The following ANKHD1 variants were observed in gnomAD, a reference collection of about 807,000 sequenced individuals.
ANKHD1 encodes the protein ankyrin repeat and KH domain containing 1.
ANKHD1 carries 31 observed loss-of-function variants against 230.5 expected under a neutral mutation model. That is an observed-to-expected ratio of 0.13 (90% confidence interval 0.10 to 0.18). The LOEUF (loss-of-function observed/expected upper bound fraction) is 0.18, where lower values mean the gene tolerates loss of function less well. Ranked by LOEUF, ANKHD1 falls within the 10% of genes least tolerant of loss-of-function variation. The probability of loss-of-function intolerance (pLI) is 1.00; values close to 1 mark genes in which losing one functional copy is unlikely to be tolerated. For missense variants in ANKHD1, 2,256 were observed against 3,071.3 expected, an observed-to-expected ratio of 0.73 and a Z score of 6.27; for synonymous variants, 1,074 against 1,117.6, an observed-to-expected ratio of 0.96 and a Z score of 0.78.
At position 140,526,194 on chromosome 5, in the gene ANKHD1, A is replaced by G. The variant is rs767461099; in HGVS notation, c.4691A>G (p.Gln1564Arg). The G allele has an allele frequency of 6.2e-7, 1 of 1,614,032 alleles. No individual in the cohort carries two copies. The highest frequency in any genetic ancestry group is 1.1e-5 in the South Asian group (1 of 91,052). The change falls in exon 26 of 34, where the codon CAA becomes CGA. Residue 1564 changes from glutamine (Q) to arginine (R), a missense_variant. Transcript: ENST00000360839. Reference sequence around the variant, plus strand: ...ACAGCACATTTAATTTTACCAGAACAACATATGTCTTTAGCCCAACAAAAG... The same window carrying G: ...ACAGCACATTTAATTTTACCAGAACGACATATGTCTTTAGCCCAACAAAAG... The part of the protein sequence containing the change: ...PPTAHLILPE[Q>R]HMSLAQQKAD...
chr5:140,536,580 A>G (rs951506901), intron 30 of ANKHD1, among the ~76,000 whole-genome samples: 2 of 152,212 alleles, frequency 1.3e-5, no homozygotes, highest in Admixed American at 6.5e-5. Context: ...AAATCGTACA[A>G]TGCTTTGCTA....
chr5:140,431,552 A>G (rs1304098224), intron 1 of ANKHD1, among the ~76,000 whole-genome samples: 3 of 152,226 alleles, frequency 2.0e-5, no homozygotes, highest in South Asian at 2.1e-4. Context: ...CAGGATTTCA[A>G]TAGCACTGTA....
chr5:140,443,704 A>G (rs111797714), intron 5 of ANKHD1, among the ~76,000 whole-genome samples: 3 of 151,738 alleles, frequency 2.0e-5, no homozygotes, highest in African/African-American at 7.2e-5. Flanking sequence ...AAAGAAAAAT[A>G]CTCAAAAAAG....
At chr5:140,448,886 ACTTGG>A (rs1450537837) in intron 6 of ANKHD1, among the ~76,000 whole-genome samples, 3 of 152,188 alleles carry the variant, frequency 2.0e-5, no homozygotes, top group African/African-American at 7.2e-5. Flanking sequence ...AAGATACTTT[ACTTGG>A]CTTTCTATTT....
chr5:140,491,158 A>ATTT lies in ANKHD1; in HGVS notation c.2245+4099_2245+4100insTTT, dbSNP rs1470465560. On this transcript the variant is annotated intron_variant, in intron 14 of 33. Coordinates refer to ENST00000360839, the MANE Select transcript of ANKHD1 (RefSeq NM_017747.3). ...TATACACATATATATATATATATAT[A>ATTT]TATTTTTTTTTTTTTTTTTTTTTGA... 5.0e-3 allele frequency among the ~76,000 whole-genome samples: 420 copies of ATTT among 83,286 alleles called. 12 individuals carry two copies. The highest frequency in any genetic ancestry group is 0.018 in the African/African-American group (332 of 18,862). The allele number at this position is 83,286 out of a possible 152,430, so 54.6% of individuals were successfully genotyped here.
intron 24 of ANKHD1, among the ~76,000 whole-genome samples, chr5:140,514,379 A>G (rs1752892879): frequency 6.6e-6 from 1 of 151,092 alleles, no homozygotes; most frequent in South Asian, 2.1e-4. Flanking sequence ...CTGTAGTCCC[A>G]GCAACTTGGG....
At chr5:140,444,194 T>C (rs1774098440) in intron 5 of ANKHD1, among the ~76,000 whole-genome samples, 1 of 149,420 alleles carries the variant, frequency 6.7e-6, no homozygotes, top group African/African-American at 2.5e-5. Context: ...CCGTACACTC[T>C]CCATGTGGCC....
chr5:140,439,441 A>G (rs112506905), intron 3 of ANKHD1, among the ~76,000 whole-genome samples: 3,197 of 152,252 alleles, frequency 0.021, 119 homozygotes, highest in African/African-American at 0.073. Context: ...AGGCCAAGGT[A>G]GGTGGATCAC....
rs377046202 is a variant in ANKHD1 at position 140,529,123 on chromosome 5, G to A, written c.6177G>A (p.Pro2059=). The A allele has an allele frequency of 1.9e-5, 30 of 1,613,772 alleles. No individual in the cohort carries two copies. In the East Asian group the frequency reaches 3.6e-4, roughly 19 times the overall value. The change falls in exon 29 of 34, where the codon CCG becomes CCA. Residue 2059 remains proline (P), a synonymous_variant. Transcript: ENST00000360839. ...NSCSSSASNT[P]GAPETHPSSS... ...GCAGTAGCTCTGCCAGCAACACCCC[G>A]GGAGCTCCAGAAACTCACCCATCCA...
chr5:140,424,433 A>G (rs757304473), intron 1 of ANKHD1, among the ~76,000 whole-genome samples: 27 of 152,182 alleles, frequency 1.8e-4, no homozygotes, highest in Non-Finnish European at 2.9e-4. Context: ...CCTCCGGTGC[A>G]TGCTAGTATG....
At chr5:140,496,063 C>T (rs1439689505) in intron 14 of ANKHD1, among the ~76,000 whole-genome samples, 2 of 152,138 alleles carry the variant, frequency 1.3e-5, no homozygotes, top group Non-Finnish European at 2.9e-5. Context: ...GCATTGCTTG[C>T]AGAGTTGATA....
intron 1 of ANKHD1, among the ~76,000 whole-genome samples, chr5:140,419,776 TTCTTTCTTTC>T (rs1320052228): frequency 5.8e-4 from 8 of 13,846 alleles, no homozygotes; most frequent in Non-Finnish European, 1.3e-3. Context: ...TCCTTTCTTT[TTCTTTCTTTC>T]TTTCTTTCTT....
At chr5:140,510,818 C>CGTGT (rs57422934) in intron 22 of ANKHD1, among the ~76,000 whole-genome samples, 10 of 149,176 alleles carry the variant, frequency 6.7e-5, no homozygotes, top group East Asian at 4.0e-4. Flanking sequence ...CTTCTGTGTG[C>CGTGT]GTGTGTGTGT....
chr5:140,487,150 T>C (rs1169829216), intron 14 of ANKHD1, 90 bp downstream of exon 14: 6 of 1,317,936 alleles, frequency 4.6e-6, no homozygotes, highest in Non-Finnish European at 6.0e-6. Context: ...AGAGTTACTG[T>C]GTACCCATGG....
At chr5:140,427,663 C>G (rs1026700282) in intron 1 of ANKHD1, among the ~76,000 whole-genome samples, 1 of 146,634 alleles carries the variant, frequency 6.8e-6, no homozygotes, top group African/African-American at 2.5e-5. Flanking sequence ...CCCCCACCTC[C>G]CTCCCGGACG....
intron 29 of ANKHD1, chr5:140,531,488 C>T (rs751063696): frequency 5.4e-5 from 10 of 186,034 alleles, no homozygotes; most frequent in Non-Finnish European, 9.2e-5. Context: ...GGCTGAGGCA[C>T]AGGAATCACT....
intron 10 of ANKHD1, chr5:140,472,325 A>G (rs1335427060): frequency 6.2e-7 from 1 of 1,612,218 alleles, no homozygotes. Context: ...CTTGTAAGCT[A>G]CTACGTAAAG....
chr5:140,449,377 G>A (rs1210550818), intron 7 of ANKHD1, 72 bp downstream of exon 7: 54 of 1,519,304 alleles, frequency 3.6e-5, no homozygotes, highest in Non-Finnish European at 4.8e-5. Context: ...CTTTAAGAGT[G>A]ATTAATTGCC....
At chr5:140,476,059 G>T in intron 10 of ANKHD1, among the ~76,000 whole-genome samples, 1 of 152,088 alleles carries the variant, frequency 6.6e-6, no homozygotes, top group Non-Finnish European at 1.5e-5. Flanking sequence ...TTAAGAACAG[G>T]TGGATATAAA....
Sources: gnomAD v4.1 joint callset for allele counts (sites outside exome capture counted in the v4.1 genomes callset) on GRCh38, gnomAD v4.1.1 for gene constraint, MANE v1.5 for transcripts, NCBI Gene and HGNC (gene_info 2026-07-23, HGNC 2026-07-21) for gene names.